GRID2: variants seen among roughly 807,000 people sequenced by gnomAD.
The protein encoded by GRID2 is glutamate ionotropic receptor delta type subunit 2.
GRID2 carries 33 observed loss-of-function variants against 114.8 expected under a neutral mutation model. The ratio of observed to expected loss-of-function variants is 0.29; its 90% CI spans 0.22 to 0.38. GRID2 has a LOEUF of 0.38. GRID2 is among the 10% of genes least tolerant of loss of function. The pLI is 1.00. For missense variants in GRID2, 1,184 were observed against 1,257.7 expected, an observed-to-expected ratio of 0.94 and a Z score of 0.89; for synonymous variants, 505 against 449.9, an observed-to-expected ratio of 1.12 and a Z score of -1.55.
At chr4:93,636,168 G>T (rs1464420339) in intron 14 of GRID2, among the ~76,000 whole-genome samples, 2 of 152,154 alleles carry the variant, frequency 1.3e-5, no homozygotes, top group Non-Finnish European at 2.9e-5. Context: ...AGTGCAAGGT[G>T]CAAGGCAGTA....
chr4:93,459,882 A>T (rs571030114), intron 11 of GRID2, among the ~76,000 whole-genome samples: 1 of 152,308 alleles, frequency 6.6e-6, no homozygotes, highest in South Asian at 2.1e-4. Flanking sequence ...AAACTCTGAA[A>T]ATAGTTTTCA....
chr4:93,175,345 A>G (rs1161620421), intron 4 of GRID2, among the ~76,000 whole-genome samples: 1 of 151,986 alleles, frequency 6.6e-6, no homozygotes, highest in African/African-American at 2.4e-5. Context: ...TAATTTTTGT[A>G]TTTTTAGTAC....
rs777958599 is a variant in GRID2, at chr4:92,597,608, C to G, written c.244+7322C>G. On this transcript the variant is annotated intron_variant, in intron 2 of 15. Coordinates refer to ENST00000282020, the MANE Select transcript of GRID2 (RefSeq NM_001510.4). Reference sequence around the variant, plus strand: ...TGTTTAAAGGAAGTAAAGATTTGTTCTTTTGTTGTCTGTGTTCTTTCTTCT... The same window carrying G: ...TGTTTAAAGGAAGTAAAGATTTGTTGTTTTGTTGTCTGTGTTCTTTCTTCT... 2.0e-5 allele frequency among the ~76,000 whole-genome samples: 3 copies of G among 152,222 alleles called. No individual in the cohort carries two copies. The South Asian group carries it at 6.2e-4, about 32-fold the overall frequency.
intron 2 of GRID2, among the ~76,000 whole-genome samples, chr4:92,960,429 T>C (rs1404975732): frequency 1.3e-5 from 2 of 152,050 alleles, no homozygotes; most frequent in Non-Finnish European, 2.9e-5. Flanking sequence ...TTCCCTGATG[T>C]ATTCCGATGC....
intron 10 of GRID2, among the ~76,000 whole-genome samples, chr4:93,454,944 TTC>T (rs756714671): frequency 6.6e-6 from 1 of 152,098 alleles, no homozygotes; most frequent in Non-Finnish European, 1.5e-5. Context: ...TTTACTGAGA[TTC>T]TGTTACATTT....
At chr4:92,412,330 C>T (rs1480985681) in intron 1 of GRID2, among the ~76,000 whole-genome samples, 1 of 151,952 alleles carries the variant, frequency 6.6e-6, no homozygotes, top group African/African-American at 2.4e-5. Context: ...TTGTGTTTCA[C>T]TAGTAAGTCA....
At chr4:93,189,886 A>T (rs1740819704) in intron 4 of GRID2, among the ~76,000 whole-genome samples, 1 of 151,892 alleles carries the variant, frequency 6.6e-6, no homozygotes, top group African/African-American at 2.4e-5. Flanking sequence ...AGTGTGTATA[A>T]AAAACCTGCA....
At chr4:93,232,722 TTG>T (rs1746288785) in intron 7 of GRID2, among the ~76,000 whole-genome samples, 1 of 151,922 alleles carries the variant, frequency 6.6e-6, no homozygotes, top group Non-Finnish European at 1.5e-5. Flanking sequence ...TTTTCTTATA[TTG>T]ATATATGTTG....
chr4:93,269,543 C>T (rs1312370350), intron 8 of GRID2, among the ~76,000 whole-genome samples: 1 of 152,174 alleles, frequency 6.6e-6, no homozygotes, highest in Non-Finnish European at 1.5e-5. Context: ...AACTGAAAAT[C>T]TCAACCCACA....
At chr4:93,624,789 C>A (rs1250677787) in intron 13 of GRID2, among the ~76,000 whole-genome samples, 1 of 151,794 alleles carries the variant, frequency 6.6e-6, no homozygotes, top group African/African-American at 2.4e-5. Context: ...TGAAAATATA[C>A]CTTATTGAGA....
chr4:92,791,519 A>G (rs1379552762), intron 2 of GRID2, among the ~76,000 whole-genome samples: 1 of 151,946 alleles, frequency 6.6e-6, no homozygotes, highest in Non-Finnish European at 1.5e-5. Context: ...CTTTAAATAA[A>G]GAATTATACA....
intron 2 of GRID2, among the ~76,000 whole-genome samples, chr4:92,608,430 T>G (rs1729567125): frequency 6.6e-6 from 1 of 151,908 alleles, no homozygotes. Flanking sequence ...CACTGTGTTT[T>G]AAGAGCAAGT....
intron 1 of GRID2, among the ~76,000 whole-genome samples, chr4:92,384,866 G>A (rs1311302121): frequency 1.3e-5 from 2 of 150,258 alleles, no homozygotes; most frequent in South Asian, 2.1e-4. Context: ...GATTCACGAC[G>A]CATTCTAGGT....
In GRID2 at chr4:93,422,519, A is replaced by G. The variant is rs1294539410; in HGVS notation, c.1348-252A>G. 2.0e-5 allele frequency among the ~76,000 whole-genome samples: 3 copies of G among 152,146 alleles called. No individual in the cohort carries two copies. In the South Asian group the frequency reaches 6.2e-4, roughly 32 times the overall value. On this transcript the variant is annotated intron_variant, in intron 9 of 15. Transcript: ENST00000282020. ...GAGGACAGGAAAAATAAATTCATGGACCCTAAGTTTTTTAGTTACTTTTAT... is the reference window on the plus strand; with the variant it reads ...GAGGACAGGAAAAATAAATTCATGGGCCCTAAGTTTTTTAGTTACTTTTAT...
chr4:93,235,661 T>C (rs1282593388), intron 7 of GRID2, among the ~76,000 whole-genome samples: 1 of 152,124 alleles, frequency 6.6e-6, no homozygotes, highest in Admixed American at 6.6e-5. Context: ...TGATTTTACA[T>C]GCCAACGGCT....
At chr4:93,351,142 G>A (rs1351110167) in intron 8 of GRID2, among the ~76,000 whole-genome samples, 6 of 152,064 alleles carry the variant, frequency 3.9e-5, no homozygotes. Context: ...TACAATTAAA[G>A]GTGAGATTTG....
chr4:93,263,006 TA>T (rs1281715798), intron 8 of GRID2, among the ~76,000 whole-genome samples: 3 of 152,016 alleles, frequency 2.0e-5, no homozygotes, highest in Non-Finnish European at 4.4e-5. Flanking sequence ...TACATTGCTG[TA>T]AACTTTTGAT....
chr4:92,849,248 A>G (rs1426353188), intron 2 of GRID2, among the ~76,000 whole-genome samples: 1 of 151,946 alleles, frequency 6.6e-6, no homozygotes, highest in Non-Finnish European at 1.5e-5. Context: ...TAATTTACCT[A>G]TCAGATAGGA....
chr4:92,606,229 A>G (rs1016450353), intron 2 of GRID2, among the ~76,000 whole-genome samples: 2 of 152,044 alleles, frequency 1.3e-5, no homozygotes, highest in Non-Finnish European at 2.9e-5. Flanking sequence ...AGAGACATTT[A>G]TTCATAACTT....
Sources: gnomAD v4.1 joint callset for allele counts (sites outside exome capture counted in the v4.1 genomes callset) on GRCh38, gnomAD v4.1.1 for gene constraint, MANE v1.5 for transcripts, NCBI Gene and HGNC (gene_info 2026-07-23, HGNC 2026-07-21) for gene names.